The following RGS6 variants were observed in gnomAD, a reference collection of about 807,000 sequenced individuals.
RGS6 encodes the protein regulator of G-protein signaling 6.
RGS6 carries 30 observed loss-of-function variants against 78.5 expected under a neutral mutation model. The observed-to-expected ratio is 0.38, with a 90% CI of 0.29 to 0.52. The LOEUF is 0.52. Ranked by LOEUF, RGS6 falls within the 20% of genes least tolerant of loss-of-function variation. RGS6 has a pLI of 0.85. For synonymous variants in RGS6, 206 were observed against 206.0 expected, an observed-to-expected ratio of 1.00 and a Z score of 0.00; for missense variants, 495 against 609.7, an observed-to-expected ratio of 0.81 and a Z score of 1.98.
intron 2 of RGS6, among the ~76,000 whole-genome samples, chr14:72,341,004 G>T (rs2076883338): frequency 6.6e-6 from 1 of 152,154 alleles, no homozygotes; most frequent in African/African-American, 2.4e-5. Flanking sequence ...CTTGATTCAG[G>T]TTCTTGCCTC....
downstream of RGS6, among the ~76,000 whole-genome samples, chr14:72,569,114 GTGTGT>G (rs1567152561): frequency 7.9e-5 from 7 of 88,510 alleles, no homozygotes; most frequent in South Asian, 3.2e-4. Context: ...TCTCTGGGGT[GTGTGT>G]GTGTGTGTGT....
chr14:72,101,086 G>A (rs1248730318), intron 2 of RGS6, among the ~76,000 whole-genome samples: 15 of 152,178 alleles, frequency 9.9e-5, no homozygotes, highest in Admixed American at 9.8e-4. Context: ...CTGAGCCTGG[G>A]AGGATCATCT....
At chr14:72,212,750 A>T (rs1201709651) in intron 2 of RGS6, among the ~76,000 whole-genome samples, 1 of 152,196 alleles carries the variant, frequency 6.6e-6, no homozygotes, top group South Asian at 2.1e-4. Flanking sequence ...GTTGGACACA[A>T]ACCCACAACA....
At chr14:72,233,482 G>A (rs1298091481) in intron 2 of RGS6, among the ~76,000 whole-genome samples, 1 of 152,152 alleles carries the variant, frequency 6.6e-6, no homozygotes, top group Non-Finnish European at 1.5e-5. Flanking sequence ...TTATCAATGT[G>A]GAAACTGTAT....
chr14:71,895,913 C>A, the RGS6 span, among the ~76,000 whole-genome samples: 1 of 152,070 alleles, frequency 6.6e-6, no homozygotes, highest in African/African-American at 2.4e-5. Flanking sequence ...AGATGCATAC[C>A]CAACCTCACT....
intron 2 of RGS6, among the ~76,000 whole-genome samples, chr14:72,033,009 A>T (rs1483382925): frequency 6.6e-6 from 1 of 152,182 alleles, no homozygotes; most frequent in African/African-American, 2.4e-5. Context: ...ACCCATCATC[A>T]GTTGAAACTA....
intron 2 of RGS6, among the ~76,000 whole-genome samples, chr14:72,063,658 G>A (rs558698025): frequency 6.6e-6 from 1 of 152,260 alleles, no homozygotes; most frequent in South Asian, 2.1e-4. Context: ...TAAAGAAATT[G>A]ACAGAAGCAT....
chr14:72,510,410 A>T (rs1242794667), intron 14 of RGS6, 131 bp downstream of exon 14: 1 of 1,170,044 alleles, frequency 8.5e-7, no homozygotes, highest in African/African-American at 1.5e-5. Flanking sequence ...AATCTGGCTG[A>T]GGTTGAAATG....
intron 17 of RGS6, among the ~76,000 whole-genome samples, chr14:72,561,660 G>A (rs1485634740): frequency 6.6e-6 from 1 of 152,230 alleles, no homozygotes; most frequent in Non-Finnish European, 1.5e-5. Context: ...GATGCACCAG[G>A]CCTCATGATC....
At chr14:71,959,298 T>C (rs1294700916) in intron 1 of RGS6, among the ~76,000 whole-genome samples, 1 of 152,054 alleles carries the variant, frequency 6.6e-6, no homozygotes, top group African/African-American at 2.4e-5. Flanking sequence ...TGTAAATTTT[T>C]TTTCCTGAAG....
chr14:72,457,778 T>C (rs2095669484), intron 4 of RGS6, among the ~76,000 whole-genome samples: 1 of 152,184 alleles, frequency 6.6e-6, no homozygotes, highest in Non-Finnish European at 1.5e-5. Context: ...GTGACACCCT[T>C]CTCATTCCTG....
At chr14:72,379,432 T>C (rs1206914958) in intron 3 of RGS6, among the ~76,000 whole-genome samples, 1 of 152,066 alleles carries the variant, frequency 6.6e-6, no homozygotes, top group Non-Finnish European at 1.5e-5. Context: ...TAGAAAAACC[T>C]AAAGGCTATA....
At position 72,225,642 on chromosome 14, in the gene RGS6, T is replaced by C. The variant is rs931418404; in HGVS notation, c.85-126453T>C. ...CCACGCCCAGCCAAAAACCATTCGC[T>C]TTAGGAAAAAGAAAAATCAAACTTC... On this transcript the variant is annotated intron_variant, in intron 2 of 17. Coordinates refer to ENST00000553525, the MANE Select transcript of RGS6 (RefSeq NM_001204424.2). 7.9e-5 allele frequency among the ~76,000 whole-genome samples: 12 copies of C among 152,156 alleles called. No homozygotes were observed. In the East Asian group the frequency reaches 9.6e-4, roughly 12 times the overall value.
chr14:72,522,424 G>A (rs892211285), intron 15 of RGS6, among the ~76,000 whole-genome samples: 4 of 152,158 alleles, frequency 2.6e-5, no homozygotes, highest in African/African-American at 7.2e-5. Flanking sequence ...TGCAAATAGC[G>A]TGATCCTGTA....
In RGS6 at chr14:72,434,222, A is replaced by G. The variant is rs569267809; in HGVS notation, c.185-20306A>G. On this transcript the variant is annotated intron_variant, in intron 3 of 17. Coordinates refer to ENST00000553525, the MANE Select transcript of RGS6 (RefSeq NM_001204424.2). ...GGTGGTGGCATGCACCTATAGTCTC[A>G]GCTACTCCAAACACTGAGGCAGGAG... Among the ~76,000 whole-genome samples the G allele has an allele frequency of 2.0e-5, 3 of 152,224 alleles. No homozygotes were observed. The South Asian group carries it at 6.2e-4, about 32-fold the overall frequency.
chr14:72,277,336 G>T (rs997737029), intron 2 of RGS6, among the ~76,000 whole-genome samples: 1 of 152,130 alleles, frequency 6.6e-6, no homozygotes. Context: ...GGTGGCTCAC[G>T]CCTGTAATCC....
chr14:72,321,276 A>G (rs1595770590), intron 2 of RGS6, among the ~76,000 whole-genome samples: 1 of 152,136 alleles, frequency 6.6e-6, no homozygotes, highest in Admixed American at 6.5e-5. Flanking sequence ...CAAAAAGAAA[A>G]TATAGACCAA....
At chr14:72,157,509 G>A (rs1035493915) in intron 2 of RGS6, among the ~76,000 whole-genome samples, 1 of 152,226 alleles carries the variant, frequency 6.6e-6, no homozygotes, top group Non-Finnish European at 1.5e-5. Context: ...TTTTCTGAGA[G>A]ATGATTTCCC....
At chr14:72,016,644 C>T (rs954146220) in intron 2 of RGS6, among the ~76,000 whole-genome samples, 51 of 152,310 alleles carry the variant, frequency 3.3e-4, no homozygotes, top group South Asian at 6.2e-4. Flanking sequence ...GAATTACAGG[C>T]GTGAGCCACC....
Sources: gnomAD v4.1 joint callset for allele counts (sites outside exome capture counted in the v4.1 genomes callset) on GRCh38, gnomAD v4.1.1 for gene constraint, MANE v1.5 for transcripts, NCBI Gene and HGNC (gene_info 2026-07-23, HGNC 2026-07-21) for gene names.